The following SLC7A10 variants were observed in gnomAD, a reference collection of about 807,000 sequenced individuals.
SLC7A10 encodes the protein asc-type amino acid transporter 1.
SLC7A10 carries 30 observed loss-of-function variants against 52.7 expected under a neutral mutation model. The ratio of observed to expected loss-of-function variants is 0.57; its 90% CI spans 0.43 to 0.77. The LOEUF (loss-of-function observed/expected upper bound fraction) is 0.77. Among genes scored for constraint, SLC7A10 ranks in the 30% least tolerant of loss-of-function variants. SLC7A10 has a pLI of 0.00. For synonymous variants in SLC7A10, 318 were observed against 314.9 expected (o/e 1.01, Z -0.10); for missense variants, 581 against 698.5 (o/e 0.83, Z 1.90).
Position 33,209,398 on chromosome 19 carries a change from C to T in SLC7A10, c.1351G>A (p.Val451Ile), listed in dbSNP as rs1477521669. 10 of 1,614,096 alleles carry T rather than the reference C, an allele frequency of 6.2e-6. No homozygotes were observed. Among genetic ancestry groups the T allele is most frequent in the Middle Eastern group, 1.6e-4 (1 of 6,062 alleles). ...CCCGTAAGGATGATGATGACGCCGA[C>T]CCCACAGACCATAGGCTCTGAGATG... ...SFISEPMVCG[V>I]GVIIILTGVP... The change falls in exon 10 of 11, where the codon GTC becomes ATC. Residue 451 changes from valine (V) to isoleucine (I), a missense_variant. Transcript: ENST00000253188.
chr19:33,215,841 T>C lies in SLC7A10; in HGVS notation c.284A>G (p.Glu95Gly). The change falls in exon 2 of 11, where the codon GAG (glutamate) becomes GGG (glycine). Residue 95 changes from glutamate to glycine, a missense_variant. Physicochemically the swap from Glu to Gly is moderately conservative, Grantham distance 98. Transcript: ENST00000253188. ...AGACTTGGGGATGGCGACTCCCAGC[T>C]CTGCATAGCAGAGGGAGCCCAGAGC... ...VTALGSLCYA[E>G]LGVAIPKSGG... is the part of the protein sequence containing the mutation. The C allele has an allele frequency of 6.3e-7, 1 of 1,596,190 alleles. No individual in the cohort carries two copies. The highest frequency in any genetic ancestry group is 8.5e-7 in the Non-Finnish European group (1 of 1,171,824).
intron 1 of SLC7A10, among the ~76,000 whole-genome samples, chr19:33,217,246 C>CA (rs1239671388): frequency 6.6e-6 from 1 of 150,738 alleles, no homozygotes; most frequent in African/African-American, 2.4e-5. Flanking sequence ...CTCCTGGGCT[C>CA]AATTGACCAC....
At chr19:33,218,661 A>ATTTCTTTCTTTTCTTTCTTTCTCTCTTTC (rs1555733769) in intron 1 of SLC7A10, among the ~76,000 whole-genome samples, 2 of 51,180 alleles carry the variant, frequency 3.9e-5, no homozygotes, top group African/African-American at 1.0e-4. Flanking sequence ...GGACCGGTGG[A>ATTTCTTTCTTTTCTTTCTTTCTCTCTTTC]TTTCTTTCTT....
At position 33,210,954 on chromosome 19, in the gene SLC7A10, C is replaced by T. The variant is rs1974534791; in HGVS notation, c.1017-56G>A. 2.0e-6 allele frequency: 3 copies of T among 1,533,222 alleles called. No homozygotes were observed. Among genetic ancestry groups the T allele is most frequent in the Non-Finnish European group, 2.7e-6 (3 of 1,109,124 alleles). 95.0% of individuals were successfully genotyped at this position (1,533,222 alleles called of 1,614,324 possible). ...CACATCCTGGGTCTCAGCTTTGGACCTGATGTCCCTCTTAAGCTGTCGCCT... is the reference window on the plus strand; with the variant it reads ...CACATCCTGGGTCTCAGCTTTGGACTTGATGTCCCTCTTAAGCTGTCGCCT... On this transcript the variant is annotated intron_variant, in intron 7 of 10. Transcript: ENST00000253188. This position sits in a 1 kb window ranked among gnomAD's most constrained non-coding sequence, Gnocchi z 5.6.
chr19:33,212,042 C>T, intron 5 of SLC7A10: 2 of 595,112 alleles, frequency 3.4e-6, no homozygotes, highest in Non-Finnish European at 6.0e-6. Context: ...CTATTTACAG[C>T]AGGATGATGA....
In SLC7A10 at chr19:33,209,487, T is replaced by C; in HGVS notation, c.1264-2A>G. The C allele has an allele frequency of 6.2e-7, 1 of 1,613,696 alleles. No homozygotes were observed. Among genetic ancestry groups the C allele is most frequent in the South Asian group, 1.1e-5 (1 of 91,080 alleles). On this transcript the variant is annotated splice_acceptor_variant, in intron 9 of 10. Transcript: ENST00000253188. LOFTEE classifies it high-confidence loss of function. ...CGCCACGGGGATGAGAAGGTTCACCTGGGGAAGGGGGAGCAGAAACACCGA... is the reference window on the plus strand; with the variant it reads ...CGCCACGGGGATGAGAAGGTTCACCCGGGGAAGGGGGAGCAGAAACACCGA...
At chr19:33,213,280 T>G (rs1974598780) in intron 2 of SLC7A10, among the ~76,000 whole-genome samples, 1 of 149,446 alleles carries the variant, frequency 6.7e-6, no homozygotes, top group South Asian at 2.1e-4. Flanking sequence ...CAAACGCTTT[T>G]CTTTTCTTTT....
At chr19:33,222,625 C>G (rs1346354181) in intron 1 of SLC7A10, among the ~76,000 whole-genome samples, 2 of 152,202 alleles carry the variant, frequency 1.3e-5, no homozygotes, top group East Asian at 3.9e-4. Context: ...TCCTACCTTG[C>G]AAGGTGGGCA....
chr19:33,213,293 C>CTT (rs111828081), intron 2 of SLC7A10, among the ~76,000 whole-genome samples: 15 of 145,478 alleles, frequency 1.0e-4, no homozygotes, highest in Non-Finnish European at 1.7e-4. Flanking sequence ...TTTCTTTTTT[C>CTT]TTTTTTTTTT....
Position 33,210,724 on chromosome 19 carries a change from C to A in SLC7A10, c.1113+78G>T. ...ACCCCCACCCTGGAATGGCTCACCC[C>A]TGCCATTACCCGGAAGGTCCTGCAT... On this transcript the variant is annotated intron_variant, in intron 8 of 10. Coordinates refer to ENST00000253188, the MANE Select transcript of SLC7A10 (RefSeq NM_019849.3). This position sits in a 1 kb window ranked among gnomAD's most constrained non-coding sequence, Gnocchi z 5.6. 1 of 1,606,474 alleles carries A rather than the reference C, an allele frequency of 6.2e-7. No homozygotes were observed. Among genetic ancestry groups the A allele is most frequent in the South Asian group, 1.1e-5 (1 of 90,926 alleles).
chr19:33,214,673 G>T lies in SLC7A10; in HGVS notation c.356+1096C>A, dbSNP rs189860856. 2.0e-5 allele frequency among the ~76,000 whole-genome samples: 3 copies of T among 152,330 alleles called. No homozygotes were observed. In the East Asian group the frequency reaches 5.8e-4, roughly 29 times the overall value. ...GATGCTTTCCTCACTGGTCAGCTAG[G>T]CCCGGTGGGGAAAATCTTCTTCCTC... On this transcript the variant is annotated intron_variant, in intron 2 of 10. Coordinates refer to ENST00000253188, the MANE Select transcript of SLC7A10 (RefSeq NM_019849.3).
chr19:33,222,036 C>A (rs1974820601), intron 1 of SLC7A10, among the ~76,000 whole-genome samples: 1 of 152,196 alleles, frequency 6.6e-6, no homozygotes, highest in African/African-American at 2.4e-5. Context: ...AAGCTCCCAG[C>A]TTGGTCCCCA....
chr19:33,212,599 G>T lies in SLC7A10; in HGVS notation c.549C>A (p.Ala183=), dbSNP rs768310581. Residue 183 remains alanine (A), a synonymous_variant, in exon 4 of 11, where the codon GCC becomes GCA. Coordinates refer to ENST00000253188, the MANE Select transcript of SLC7A10 (RefSeq NM_019849.3). ...CTGTGAACATGTCCTGGATGCGCGT[G>T]GCCCAGCGCACACTGGAGCTGTTCA... ...TWVNSSSVRW[A]TRIQDMFTGG... The T allele has an allele frequency of 8.1e-6, 13 of 1,613,832 alleles. No individual in the cohort carries two copies. Among genetic ancestry groups the T allele is most frequent in the South Asian group, 1.1e-5 (1 of 91,092 alleles).
rs1395052005 is a variant in SLC7A10, at chr19:33,211,321, C to T, written c.920G>A (p.Gly307Glu). 2 of 1,613,974 alleles carry T rather than the reference C, an allele frequency of 1.2e-6. No individual in the cohort carries two copies. The highest frequency in any genetic ancestry group is 1.7e-6 in the Non-Finnish European group (2 of 1,180,040). Residue 307 changes from glycine (G) to glutamate (E), a missense_variant, in exon 7 of 11, where the codon GGG (glycine) becomes GAG (glutamate). Physicochemically the swap from Gly to Glu is moderately conservative, Grantham distance 98 (BLOSUM62 -2). Transcript: ENST00000253188. ...LSSNAVAVTF[G>E]EKLLGYFSWV... ...AGAAAAGTAGCCCAGCAGCTTCTCC[C>T]CGAAGGTCTGGGTGGGCACAGTAGA...
At position 33,211,532 on chromosome 19, in the gene SLC7A10, AG is replaced by A. The variant is rs1420298045; in HGVS notation, c.793del (p.Leu265TyrfsTer12). ...GATGGAGATGAAGATGGCGCGAGGT[AG>A]GTTCCTGGTGACAGGCAGTGGAGTG... ...TEEMVDARKN[L>X]PRAIFISIPL... On this transcript the variant is annotated frameshift_variant, in exon 6 of 11. Transcript: ENST00000253188. LOFTEE classifies it high-confidence loss of function. 1.2e-6 allele frequency: 2 copies of A among 1,614,024 alleles called. No homozygotes were observed. The highest frequency in any genetic ancestry group is 1.7e-6 in the Non-Finnish European group (2 of 1,180,000).
Position 33,209,376 on chromosome 19 carries a change from G to A in SLC7A10, c.1373C>T (p.Thr458Met), listed in dbSNP as rs1470904634. 1.2e-6 allele frequency: 2 copies of A among 1,614,090 alleles called. No individual in the cohort carries two copies. The highest frequency in any genetic ancestry group is 1.3e-5 in the African/African-American group (1 of 75,054). Residue 458 changes from threonine (T) to methionine (M), a missense_variant, in exon 10 of 11, where the codon ACG becomes ATG. Coordinates refer to ENST00000253188, the MANE Select transcript of SLC7A10 (RefSeq NM_019849.3). ...TCCCAGAAAGAAAATGGGCACCCCC[G>A]TAAGGATGATGATGACGCCGACCCC... is the stretch of plus-strand genomic sequence containing the variant. ...VCGVGVIIIL[T>M]GVPIFFLGVF...
At chr19:33,215,637 A>G in intron 2 of SLC7A10, 132 bp downstream of exon 2, 1 of 335,748 alleles carries the variant, frequency 3.0e-6, no homozygotes. Flanking sequence ...TCCACCCCCC[A>G]CACCTTCTCT....
At position 33,212,885 on chromosome 19, in the gene SLC7A10, G is replaced by T; in HGVS notation, c.474C>A (p.Thr158=). ...CCATGGACAGCACCCGGGAGGCTGTGGTGGGGGGGATGCAGTTGGGGAACA... is the reference window on the plus strand; with the variant it reads ...CCATGGACAGCACCCGGGAGGCTGTTGTGGGGGGGATGCAGTTGGGGAACA... ...QPVFPNCIPP[T]TASRVLSMAC... Residue 158 remains threonine, a synonymous_variant, in exon 3 of 11, where the codon ACC becomes ACA. Transcript: ENST00000253188. The T allele has an allele frequency of 1.2e-6, 2 of 1,614,162 alleles. No individual in the cohort carries two copies. Among genetic ancestry groups the T allele is most frequent in the Non-Finnish European group, 1.7e-6 (2 of 1,180,014 alleles).
chr19:33,215,618 TTCTCTCC>T, intron 2 of SLC7A10, 144 bp downstream of exon 2: 7 of 212,664 alleles, frequency 3.3e-5, no homozygotes, highest in Non-Finnish European at 4.2e-5. Flanking sequence ...CCCCCACACC[TTCTCTCC>T]ATCCACCCCC....
Sources: allele counts gnomAD v4.1 joint callset (sites outside exome capture counted in the v4.1 genomes callset), GRCh38; gene constraint gnomAD v4.1.1; non-coding constraint Gnocchi (gnomAD v3.1); transcripts MANE v1.5; gene names NCBI Gene and HGNC (gene_info 2026-07-23, HGNC 2026-07-21).